The following HIPK4 variants were observed in gnomAD, a reference collection of about 807,000 sequenced individuals.
HIPK4 encodes the protein homeodomain interacting protein kinase 4, also known as homeodomain-interacting protein kinase 4.
HIPK4 carries 26 observed loss-of-function variants against 44.8 expected under a neutral mutation model. That is an observed-to-expected ratio of 0.58 (90% confidence interval 0.43 to 0.80). The LOEUF (loss-of-function observed/expected upper bound fraction) is 0.80, where lower values mean the gene tolerates loss of function less well. Among genes scored for constraint, HIPK4 ranks in the 30% least tolerant of loss-of-function variants. The probability of loss-of-function intolerance (pLI) is 0.00; values close to 1 mark genes in which losing one functional copy is unlikely to be tolerated. For missense variants in HIPK4, 729 were observed against 862.6 expected (o/e 0.85, Z 1.94); for synonymous variants, 340 against 355.5 (o/e 0.96, Z 0.49).
Position 40,389,341 on chromosome 19 carries a change from T to C in HIPK4, c.465+97A>G, listed in dbSNP as rs2079376881. 2 of 552,100 alleles carry C rather than the reference T, an allele frequency of 3.6e-6. No individual in the cohort carries two copies. The highest frequency in any genetic ancestry group is 3.9e-5 in the African/African-American group (2 of 50,836). 34.2% of individuals were successfully genotyped at this position (552,100 alleles called of 1,614,324 possible). A position where few individuals can be genotyped will look rare whatever the true frequency, so the allele number is the denominator to read the frequency against. On this transcript the variant is annotated intron_variant, in intron 1 of 3. Transcript: ENST00000291823. This position sits in a 1 kb window ranked among gnomAD's most constrained non-coding sequence, Gnocchi z 4.6. The stretch of plus-strand genomic sequence containing the variant: ...TCCGTCTCAAAAATAATAATAATAA[T>C]AATTTTAAAAAATTAAAAAAAAAAT...
At chr19:40,381,780 G>A (rs2079337729) in intron 2 of HIPK4, among the ~76,000 whole-genome samples, 1 of 123,818 alleles carries the variant, frequency 8.1e-6, no homozygotes, top group South Asian at 2.9e-4. Flanking sequence ...GTCTCACTCA[G>A]ATCCTTTTTT....
In HIPK4 at chr19:40,389,070, C is replaced by A. The variant is rs1335379640; in HGVS notation, c.465+368G>T. On this transcript the variant is annotated intron_variant, in intron 1 of 3. Transcript: ENST00000291823. This position sits in a 1 kb window ranked among gnomAD's most constrained non-coding sequence, Gnocchi z 4.6. The stretch of plus-strand genomic sequence containing the variant: ...GGGTGGCGGGCACCTGTATTCCCAG[C>A]TACTCAGGAGGCTGAGGCAGGAGAA... Among the ~76,000 whole-genome samples the A allele has an allele frequency of 6.6e-6, 1 of 151,950 alleles. No individual in the cohort carries two copies. The highest frequency in any genetic ancestry group is 1.5e-5 in the Non-Finnish European group (1 of 67,996).
rs2079349559 is a variant in HIPK4, at chr19:40,383,848, G to T, written c.757C>A (p.Pro253Thr). 4 of 1,614,068 alleles carry T rather than the reference G, an allele frequency of 2.5e-6. No homozygotes were observed. The highest frequency in any genetic ancestry group is 2.7e-5 in the African/African-American group (2 of 74,936). ...CKAHHFFKRN[P>T]HPDAANPWQL... ...CAGGGGTTGGCAGCGTCAGGGTGGG[G>T]GTTGCGCTTGAAGAAGTGGTGGGCC... Residue 253 changes from proline (P) to threonine (T), a missense_variant, in exon 2 of 4, where the codon CCC (proline) becomes ACC (threonine). Pro to Thr is a conservative substitution (Grantham distance 38, BLOSUM62 -1). Transcript: ENST00000291823.
Position 40,383,856 on chromosome 19 carries a change from T to C in HIPK4, c.749A>G (p.Lys250Arg), listed in dbSNP as rs1349505835. ...HAACKAHHFF[K>R]RNPHPDAANP... is the part of the protein sequence containing the mutation. Reference sequence around the variant, plus strand: ...GGCAGCGTCAGGGTGGGGGTTGCGCTTGAAGAAGTGGTGGGCCTTGCAGGC... The same window carrying C: ...GGCAGCGTCAGGGTGGGGGTTGCGCCTGAAGAAGTGGTGGGCCTTGCAGGC... Residue 250 changes from lysine to arginine, a missense_variant, in exon 2 of 4, where the codon AAG becomes AGG. Lys to Arg is a conservative substitution (Grantham distance 26). Transcript: ENST00000291823. 1.2e-6 allele frequency: 2 copies of C among 1,614,086 alleles called. No individual in the cohort carries two copies. The highest frequency in any genetic ancestry group is 1.7e-6 in the Non-Finnish European group (2 of 1,180,040).
intron 1 of HIPK4, among the ~76,000 whole-genome samples, chr19:40,384,903 C>A (rs1305350254): frequency 6.6e-6 from 1 of 152,212 alleles, no homozygotes; most frequent in Non-Finnish European, 1.5e-5. Flanking sequence ...TGAGCCACCG[C>A]ACCCAGCTGT....
intron 1 of HIPK4, 124 bp from the exon 2 acceptor site, chr19:40,384,263 G>C: frequency 8.3e-6 from 6 of 722,632 alleles, no homozygotes; most frequent in South Asian, 1.7e-5. Flanking sequence ...GCCATCTCTG[G>C]GTCTGTGATT....
chr19:40,381,784 C>CTTTTTTTTTTTTTTTTTTTTT (rs55780075), intron 2 of HIPK4, among the ~76,000 whole-genome samples: 1 of 72,262 alleles, frequency 1.4e-5, no homozygotes, highest in Non-Finnish European at 2.6e-5. Context: ...CACTCAGATC[C>CTTTTTTTTTTTTTTTTTTTTT]TTTTTTTTTT....
chr19:40,384,613 T>G (rs1308881531), intron 1 of HIPK4, among the ~76,000 whole-genome samples: 1 of 13,900 alleles, frequency 7.2e-5, no homozygotes, highest in Non-Finnish European at 1.6e-4. Flanking sequence ...CCTTTGTTGG[T>G]TTTTTTTTTT....
In HIPK4 at chr19:40,389,993, GC is replaced by G; in HGVS notation, c.-92del. On this transcript the variant is annotated 5_prime_UTR_variant, in exon 1 of 4. Coordinates refer to ENST00000291823, the MANE Select transcript of HIPK4 (RefSeq NM_144685.5). The surrounding 1 kb of genome is among the most constrained non-coding windows in gnomAD (Gnocchi z 4.6). ...TCCCGCCTGGCTGCTGACACAGCAG[GC>G]CCCCCAGTGGGGGAAAGAGAACCGC... 6.1e-6 allele frequency: 6 copies of G among 980,302 alleles called. No homozygotes were observed. Among genetic ancestry groups the G allele is most frequent in the Non-Finnish European group, 7.5e-6 (5 of 664,596 alleles). The allele number at this position is 980,302 out of a possible 1,614,324, so 60.7% of individuals were successfully genotyped here.
intron 1 of HIPK4, among the ~76,000 whole-genome samples, chr19:40,388,579 G>T (rs2079373730): frequency 6.6e-6 from 1 of 152,070 alleles, no homozygotes; most frequent in Non-Finnish European, 1.5e-5. Context: ...CCACCTCTTG[G>T]GGCAGAATAA....
intron 1 of HIPK4, among the ~76,000 whole-genome samples, chr19:40,388,978 T>C (rs1020563865): frequency 1.3e-5 from 2 of 149,738 alleles, no homozygotes; most frequent in Non-Finnish European, 3.0e-5. Flanking sequence ...GGTCAGGAGT[T>C]TGAGACCAGC....
At chr19:40,386,437 G>T (rs892166375) in intron 1 of HIPK4, among the ~76,000 whole-genome samples, 1 of 150,794 alleles carries the variant, frequency 6.6e-6, no homozygotes, top group African/African-American at 2.4e-5. Context: ...CACTGTAGCC[G>T]CGAACTCCAG....
Position 40,380,725 on chromosome 19 carries a change from C to T in HIPK4, c.1266G>A (p.Met422Ile). 6.2e-7 allele frequency: 1 copy of T among 1,614,144 alleles called. No homozygotes were observed. The highest frequency in any genetic ancestry group is 2.2e-5 in the East Asian group (1 of 44,882). Residue 422 changes from methionine (M) to isoleucine (I), a missense_variant, in exon 3 of 4, where the codon ATG (methionine) becomes ATA (isoleucine). Transcript: ENST00000291823. This position sits in a 1 kb window ranked among gnomAD's most constrained non-coding sequence, Gnocchi z 4.2. ...CATCCAGCTGGTCGATGGCTCTTTGCATACCTGGTGCCTTCTCCTCTCGGA... is the reference window on the plus strand; with the variant it reads ...CATCCAGCTGGTCGATGGCTCTTTGTATACCTGGTGCCTTCTCCTCTCGGA... ...PFFREEKAPG[M>I]QRAIDQLDDL...
intron 1 of HIPK4, among the ~76,000 whole-genome samples, chr19:40,386,125 A>G (rs1238586726): frequency 6.6e-6 from 1 of 152,046 alleles, no homozygotes; most frequent in African/African-American, 2.4e-5. Context: ...GCTGGAGAGC[A>G]GTGGTGTGAT....
In HIPK4 at chr19:40,381,173, C is replaced by CG; in HGVS notation, c.823-6dup. 1.3e-6 allele frequency: 2 copies of CG among 1,588,388 alleles called. No individual in the cohort carries two copies. Among genetic ancestry groups the CG allele is most frequent in the Non-Finnish European group, 1.7e-6 (2 of 1,171,472 alleles). On this transcript the variant is annotated splice_polypyrimidine_tract_variant and splice_region_variant and intron_variant, in intron 2 of 3. Coordinates refer to ENST00000291823, the MANE Select transcript of HIPK4 (RefSeq NM_144685.5). ...GCGGCGCTCCAATGGGCGCACCTGG[C>CG]GGGGCATGGAGAAGGGGGCAGGGTT...
chr19:40,388,055 C>T (rs1160216590), intron 1 of HIPK4, among the ~76,000 whole-genome samples: 42 of 139,272 alleles, frequency 3.0e-4, no homozygotes, highest in African/African-American at 1.0e-3. Flanking sequence ...CTTCCTCTGT[C>T]GCCCAGGCTG....
At position 40,380,952 on chromosome 19, in the gene HIPK4, C is replaced by G. The variant is rs368679795; in HGVS notation, c.1039G>C (p.Val347Leu). 2.1e-5 allele frequency: 34 copies of G among 1,611,762 alleles called. No individual in the cohort carries two copies. Reference sequence around the variant, plus strand: ...GCACTGCGCAGCTGCTGCATGGACACGAAGGGGTGGCGCAGGGCAGCACTG... The same window carrying G: ...GCACTGCGCAGCTGCTGCATGGACAGGAAGGGGTGGCGCAGGGCAGCACTG... ...SPSAALRHPF[V>L]SMQQLRSAHE... Residue 347 changes from valine to leucine, a missense_variant, in exon 3 of 4, where the codon GTG (valine) becomes CTG (leucine). Around this residue, in one of 2 missense-constraint regions of HIPK4, gnomAD observed 533 missense variants for 567.5 expected, o/e 0.94. Coordinates refer to ENST00000291823, the MANE Select transcript of HIPK4 (RefSeq NM_144685.5). The surrounding 1 kb of genome is among the most constrained non-coding windows in gnomAD (Gnocchi z 4.2).
intron 2 of HIPK4, 47 bp downstream of exon 2, chr19:40,383,736 A>T (rs760089870): frequency 1.4e-6 from 2 of 1,452,598 alleles, no homozygotes; most frequent in African/African-American, 1.4e-5. Context: ...ATTTTTTTTC[A>T]TGTAACAGCC....
rs892159876 is a variant in HIPK4 at position 40,380,254 on chromosome 19, C to G, written c.1668+69G>C. 2.0e-6 allele frequency: 3 copies of G among 1,531,106 alleles called. No individual in the cohort carries two copies. In the African/African-American group the frequency reaches 4.1e-5, roughly 21 times the overall value. 94.8% of individuals were successfully genotyped at this position (1,531,106 alleles called of 1,614,324 possible). ...GAGCCTCCTCACACACTAATCATAT[C>G]CTGAGCACGGGTGAGTGTGTGCTGA... is the stretch of plus-strand genomic sequence containing the variant. On this transcript the variant is annotated intron_variant, in intron 3 of 3. Coordinates refer to ENST00000291823, the MANE Select transcript of HIPK4 (RefSeq NM_144685.5). This position sits in a 1 kb window ranked among gnomAD's most constrained non-coding sequence, Gnocchi z 4.2.
Sources: allele counts gnomAD v4.1 joint callset (sites outside exome capture counted in the v4.1 genomes callset), GRCh38; gene constraint gnomAD v4.1.1; regional missense constraint gnomAD v4.1.1; non-coding constraint Gnocchi (gnomAD v3.1); transcripts MANE v1.5; gene names NCBI Gene and HGNC (gene_info 2026-07-23, HGNC 2026-07-21).